The following RALYL variants were observed in gnomAD, a reference collection of about 807,000 sequenced individuals.
RALYL encodes the protein RNA-binding Raly-like protein.
Under a neutral mutation model 35.1 loss-of-function variants are expected in RALYL, and 29 were observed. The ratio of observed to expected loss-of-function variants is 0.83; its 90% CI spans 0.61 to 1.13. The LOEUF (loss-of-function observed/expected upper bound fraction) is 1.13, where lower values mean the gene tolerates loss of function less well. Among genes scored for constraint, RALYL ranks in the 50% most tolerant of loss-of-function variants. The probability of loss-of-function intolerance (pLI) is 0.00; values close to 1 mark genes in which losing one functional copy is unlikely to be tolerated. For missense variants in RALYL, 359 were observed against 360.4 expected, an observed-to-expected ratio of 1.00 and a Z score of 0.03; for synonymous variants, 120 against 127.6, an observed-to-expected ratio of 0.94 and a Z score of 0.40.
At chr8:84,766,390 A>G (rs1195460244) in intron 2 of RALYL, among the ~76,000 whole-genome samples, 1 of 151,976 alleles carries the variant, frequency 6.6e-6, no homozygotes, top group East Asian at 1.9e-4. Flanking sequence ...AATTTGTTTC[A>G]CGATACCTAA....
At chr8:84,286,136 A>C (rs1837552294) in intron 1 of RALYL, among the ~76,000 whole-genome samples, 1 of 151,958 alleles carries the variant, frequency 6.6e-6, no homozygotes, top group African/African-American at 2.4e-5. Context: ...GAAGCCAAGG[A>C]TGACTTGAAT....
chr8:84,413,587 T>G (rs565441548), intron 1 of RALYL, among the ~76,000 whole-genome samples: 1 of 151,982 alleles, frequency 6.6e-6, no homozygotes, highest in African/African-American at 2.4e-5. Context: ...ATTTAATGAT[T>G]CTTTGAAATA....
intron 1 of RALYL, chr8:84,185,170 A>T (rs1812186411): frequency 1.3e-6 from 1 of 762,740 alleles, no homozygotes; most frequent in Admixed American, 2.1e-5. Context: ...TTATAAGATG[A>T]TCACTTGGGT....
At chr8:84,655,295 T>TG (rs1829746498) in intron 2 of RALYL, among the ~76,000 whole-genome samples, 1 of 139,510 alleles carries the variant, frequency 7.2e-6, no homozygotes. Flanking sequence ...ATTATTAGGG[T>TG]TTTTTTTTTG....
At chr8:84,387,122 G>A (rs1234099372) in intron 1 of RALYL, among the ~76,000 whole-genome samples, 1 of 151,784 alleles carries the variant, frequency 6.6e-6, no homozygotes, top group Non-Finnish European at 1.5e-5. Context: ...AAGGATTAGA[G>A]GTAATGTATG....
chr8:84,321,664 A>AAAAACTTGGG (rs1844836525), intron 1 of RALYL, among the ~76,000 whole-genome samples: 1 of 152,092 alleles, frequency 6.6e-6, no homozygotes, highest in South Asian at 2.1e-4. Flanking sequence ...AGAAGCTAAG[A>AAAAACTTGGG]AAAACTTGGG....
chr8:84,282,529 G>T (rs568662031), intron 1 of RALYL, among the ~76,000 whole-genome samples: 1 of 151,972 alleles, frequency 6.6e-6, no homozygotes, highest in Non-Finnish European at 1.5e-5. Flanking sequence ...GGGATGAGGG[G>T]TGGTTCATAA....
At chr8:84,336,871 G>A (rs1041388751) in intron 1 of RALYL, among the ~76,000 whole-genome samples, 1 of 151,838 alleles carries the variant, frequency 6.6e-6, no homozygotes, top group African/African-American at 2.4e-5. Flanking sequence ...GATGCTTGCT[G>A]CACATTTAGT....
chr8:84,825,948 T>A (rs977197123), intron 4 of RALYL, among the ~76,000 whole-genome samples: 1 of 152,124 alleles, frequency 6.6e-6, no homozygotes, highest in Non-Finnish European at 1.5e-5. Context: ...GTGGTACACA[T>A]ACACCATGGA....
chr8:84,864,043 T>C (rs775807744), intron 6 of RALYL, among the ~76,000 whole-genome samples: 11 of 152,206 alleles, frequency 7.2e-5, no homozygotes, highest in Non-Finnish European at 1.2e-4. Context: ...AAGGGACTTT[T>C]ATAGAAAGAC....
intron 2 of RALYL, among the ~76,000 whole-genome samples, chr8:84,632,880 T>C (rs1391256982): frequency 1.3e-5 from 2 of 151,954 alleles, no homozygotes; most frequent in Non-Finnish European, 2.9e-5. Context: ...CTTGAGTAAG[T>C]AACTGACTCA....
At chr8:84,581,661 A>T (rs954556234) in intron 2 of RALYL, among the ~76,000 whole-genome samples, 1 of 152,150 alleles carries the variant, frequency 6.6e-6, no homozygotes, top group African/African-American at 2.4e-5. Flanking sequence ...ACATTACTTG[A>T]ATTCTTGAAG....
At chr8:84,556,415 TAGTA>T (rs1409892176) in intron 2 of RALYL, among the ~76,000 whole-genome samples, 2 of 152,048 alleles carry the variant, frequency 1.3e-5, no homozygotes, top group Non-Finnish European at 2.9e-5. Context: ...ACCAAACAGC[TAGTA>T]AGTGTCAGAG....
chr8:84,911,679 T>G (rs1847536899), intron 8 of RALYL, among the ~76,000 whole-genome samples: 1 of 151,910 alleles, frequency 6.6e-6, no homozygotes, highest in Non-Finnish European at 1.5e-5. Flanking sequence ...CCCTTCCCAC[T>G]CCCCCATTTC....
At chr8:84,247,982 G>A (rs1463329052) in intron 1 of RALYL, among the ~76,000 whole-genome samples, 2 of 152,102 alleles carry the variant, frequency 1.3e-5, no homozygotes, top group Non-Finnish European at 2.9e-5. Context: ...TGGAAAATTA[G>A]TTTCAAGATA....
At chr8:84,580,598 TC>T (rs1810602960) in intron 2 of RALYL, among the ~76,000 whole-genome samples, 1 of 152,172 alleles carries the variant, frequency 6.6e-6, no homozygotes, top group Admixed American at 6.5e-5. Flanking sequence ...ACATTAAGAA[TC>T]AAATTTCAAT....
intron 6 of RALYL, chr8:84,872,623 A>C (rs905253826): frequency 2.6e-5 from 4 of 152,166 alleles, no homozygotes; most frequent in Non-Finnish European, 5.9e-5. Context: ...AACTCTAAAA[A>C]TCTAGAATGG....
At chr8:84,847,623 T>C (rs993400800) in intron 4 of RALYL, among the ~76,000 whole-genome samples, 5 of 152,146 alleles carry the variant, frequency 3.3e-5, no homozygotes, top group Non-Finnish European at 5.9e-5. Flanking sequence ...GTCACAGTTG[T>C]ATCTATACTA....
intron 1 of RALYL, among the ~76,000 whole-genome samples, chr8:84,320,664 G>A (rs1185911421): frequency 1.3e-5 from 2 of 152,152 alleles, no homozygotes; most frequent in East Asian, 3.9e-4. Context: ...CTTAATATCT[G>A]TTATGTATTA....
Sources: allele counts gnomAD v4.1 joint callset (sites outside exome capture counted in the v4.1 genomes callset), GRCh38; gene constraint gnomAD v4.1.1; transcripts MANE v1.5; gene names NCBI Gene and HGNC (gene_info 2026-07-23, HGNC 2026-07-21).